Variants in GRM8 observed in about 807,000 individuals in gnomAD.
GRM8 encodes metabotropic glutamate receptor 8.
In GRM8, 47 loss-of-function variants were observed where a neutral mutation model predicts 87.2. The observed-to-expected ratio is 0.54, with a 90% confidence interval of 0.43 to 0.69. GRM8 has a LOEUF of 0.69. Ranked by LOEUF, GRM8 falls within the 30% of genes least tolerant of loss-of-function variation. GRM8 has a pLI of 0.00. For missense variants in GRM8, 1,019 were observed against 1,139.2 expected, an observed-to-expected ratio of 0.89 and a Z score of 1.52; for synonymous variants, 396 against 404.5, an observed-to-expected ratio of 0.98 and a Z score of 0.25.
At chr7:127,141,639 T>G (rs1414379997) in intron 2 of GRM8, among the ~76,000 whole-genome samples, 1 of 152,154 alleles carries the variant, frequency 6.6e-6, no homozygotes, top group Admixed American at 6.5e-5. Context: ...ATAGCTACAG[T>G]GAGCATAAAA....
intron 2 of GRM8, among the ~76,000 whole-genome samples, chr7:127,163,013 T>C (rs1287650770): frequency 1.3e-5 from 2 of 152,060 alleles, no homozygotes; most frequent in African/African-American, 4.8e-5. Flanking sequence ...AGATCCGGGG[T>C]CTGGGGTACA....
At chr7:126,562,347 C>A (rs10487451) in intron 8 of GRM8, among the ~76,000 whole-genome samples, 5,546 of 152,174 alleles carry the variant, frequency 0.036, 271 homozygotes, top group African/African-American at 0.11. Flanking sequence ...TGTACACTCC[C>A]AGTTTATTTC....
chr7:127,193,496 G>C (rs999106373), intron 2 of GRM8, among the ~76,000 whole-genome samples: 8 of 152,148 alleles, frequency 5.3e-5, no homozygotes, highest in African/African-American at 1.9e-4. Flanking sequence ...AACTCCGCAG[G>C]ACAAAGCTTC....
intron 6 of GRM8, among the ~76,000 whole-genome samples, chr7:126,772,822 G>A (rs948195828): frequency 3.3e-5 from 5 of 152,082 alleles, no homozygotes; most frequent in Non-Finnish European, 5.9e-5. Flanking sequence ...CTGATGACAA[G>A]GGTAGAAGCC....
At chr7:127,166,415 G>C (rs563158451) in intron 2 of GRM8, among the ~76,000 whole-genome samples, 1 of 152,186 alleles carries the variant, frequency 6.6e-6, no homozygotes, top group East Asian at 1.9e-4. Flanking sequence ...TGCCAGCCAG[G>C]AACTCAGCAA....
chr7:126,690,124 T>C (rs1808642708), intron 7 of GRM8, among the ~76,000 whole-genome samples: 2 of 152,206 alleles, frequency 1.3e-5, no homozygotes, highest in Non-Finnish European at 2.9e-5. Context: ...ACAGGATCCT[T>C]GGAGTGTTGC....
chr7:126,700,012 T>C (rs1585576415), intron 7 of GRM8, among the ~76,000 whole-genome samples: 1 of 152,164 alleles, frequency 6.6e-6, no homozygotes, highest in South Asian at 2.1e-4. Flanking sequence ...GGATGTTAAC[T>C]GATATTGGGA....
chr7:127,165,755 A>G (rs1410602081), intron 2 of GRM8, among the ~76,000 whole-genome samples: 2 of 152,070 alleles, frequency 1.3e-5, no homozygotes, highest in Non-Finnish European at 2.9e-5. Context: ...TTTTCCTTTT[A>G]TATCAGAGTC....
intron 6 of GRM8, among the ~76,000 whole-genome samples, chr7:126,789,751 G>C (rs1821070757): frequency 6.6e-6 from 1 of 152,116 alleles, no homozygotes; most frequent in Admixed American, 6.6e-5. Flanking sequence ...TAGTAAAATA[G>C]AAAGTGCAAG....
chr7:127,083,727 C>A lies in GRM8; in HGVS notation c.727+22769G>T, dbSNP rs190104763. Among the ~76,000 whole-genome samples, 12 of 152,196 alleles carry A rather than the reference C, an allele frequency of 7.9e-5. No individual in the cohort carries two copies. The East Asian group carries it at 2.3e-3, about 30-fold the overall frequency. ...TCTAAACTTTTGCAAATGCTGCCCC[C>A]CTCTTTCACAAAAGGAATGCTGCTC... is the stretch of plus-strand genomic sequence containing the variant. On this transcript the variant is annotated intron_variant, in intron 3 of 10. Coordinates refer to ENST00000339582, the MANE Select transcript of GRM8 (RefSeq NM_000845.3).
intron 3 of GRM8, among the ~76,000 whole-genome samples, chr7:126,928,301 C>A (rs1027476932): frequency 6.6e-6 from 1 of 152,096 alleles, no homozygotes; most frequent in African/African-American, 2.4e-5. Context: ...GTGCAGCAAA[C>A]CACCATGGCA....
chr7:126,712,220 G>A (rs189023806), intron 7 of GRM8, among the ~76,000 whole-genome samples: 105 of 152,160 alleles, frequency 6.9e-4, no homozygotes, highest in African/African-American at 2.3e-3. Flanking sequence ...TACAGAATAC[G>A]GAGGCCCAAA....
chr7:127,074,708 G>C (rs1019803081), intron 3 of GRM8, among the ~76,000 whole-genome samples: 1 of 152,158 alleles, frequency 6.6e-6, no homozygotes, highest in African/African-American at 2.4e-5. Flanking sequence ...TCCTAACAGT[G>C]CTGGATATTA....
chr7:126,728,157 C>G (rs965584804), intron 7 of GRM8, among the ~76,000 whole-genome samples: 2 of 152,136 alleles, frequency 1.3e-5, no homozygotes, highest in Non-Finnish European at 2.9e-5. Flanking sequence ...ACGCACCCTC[C>G]CCACTGCCAT....
chr7:127,136,226 A>C (rs1299717968), intron 2 of GRM8, among the ~76,000 whole-genome samples: 1 of 151,802 alleles, frequency 6.6e-6, no homozygotes, highest in Non-Finnish European at 1.5e-5. Context: ...TATCAAATTT[A>C]ATATGAACAG....
chr7:126,977,869 T>C (rs995993399), intron 3 of GRM8, among the ~76,000 whole-genome samples: 5 of 152,162 alleles, frequency 3.3e-5, no homozygotes, highest in African/African-American at 9.7e-5. Context: ...AGCTGACAGG[T>C]TGGAGACAAG....
intron 6 of GRM8, among the ~76,000 whole-genome samples, chr7:126,805,597 G>A (rs1226972366): frequency 6.6e-6 from 1 of 152,176 alleles, no homozygotes; most frequent in African/African-American, 2.4e-5. Flanking sequence ...CTTACAGCTT[G>A]CTGCTTGTGG....
chr7:126,843,478 C>T (rs953020440), intron 6 of GRM8, among the ~76,000 whole-genome samples: 1 of 152,166 alleles, frequency 6.6e-6, no homozygotes, highest in African/African-American at 2.4e-5. Flanking sequence ...ATTGACGAAG[C>T]TTCTTAGTTT....
intron 6 of GRM8, among the ~76,000 whole-genome samples, chr7:126,897,173 G>T (rs977847412): frequency 6.6e-6 from 1 of 152,130 alleles, no homozygotes; most frequent in Non-Finnish European, 1.5e-5. Context: ...GAAAAGACCC[G>T]GCCTGAGTCC....
Sources: allele counts gnomAD v4.1 joint callset (sites outside exome capture counted in the v4.1 genomes callset), GRCh38; gene constraint gnomAD v4.1.1; transcripts MANE v1.5; gene names NCBI Gene and HGNC (gene_info 2026-07-23, HGNC 2026-07-21).